KAZN: variants seen among roughly 807,000 people sequenced by gnomAD.
KAZN encodes kazrin.
In KAZN, 40 loss-of-function variants were observed where a neutral mutation model predicts 87.4. That is an observed-to-expected ratio of 0.46 (90% CI 0.36 to 0.60). The LOEUF is 0.60. KAZN is among the 20% of genes least tolerant of loss of function. The pLI is 0.00. For missense variants in KAZN, 898 were observed against 1,073.9 expected, an observed-to-expected ratio of 0.84 and a Z score of 2.29; for synonymous variants, 466 against 458.3, an observed-to-expected ratio of 1.02 and a Z score of -0.22.
Position 14,420,544 on chromosome 1 carries a change from G to A in KAZN, c.250-178439G>A, listed in dbSNP as rs969195812. Among the ~76,000 whole-genome samples, 11 of 152,308 alleles carry A rather than the reference G, an allele frequency of 7.2e-5. No individual in the cohort carries two copies. In the South Asian group the frequency reaches 8.3e-4, roughly 11 times the overall value. On this transcript the variant is annotated intron_variant, in intron 2 of 16. Coordinates refer to the KAZN transcript ENST00000636203. Reference sequence around the variant, plus strand: ...GGCAGTCAGTGGGACCAGGTGCCGCGGAGCAAGGGGTGCGCTCGTCGGGGA... The same window carrying A: ...GGCAGTCAGTGGGACCAGGTGCCGCAGAGCAAGGGGTGCGCTCGTCGGGGA...
intron 1 of KAZN, among the ~76,000 whole-genome samples, chr1:14,917,088 G>A (rs1373498198): frequency 6.6e-6 from 1 of 152,110 alleles, no homozygotes; most frequent in Non-Finnish European, 1.5e-5. Flanking sequence ...AGGAGATCAG[G>A]ATTTCTGCCA....
intron 1 of KAZN, among the ~76,000 whole-genome samples, chr1:14,785,814 C>T (rs963565805): frequency 6.6e-6 from 1 of 152,194 alleles, no homozygotes; most frequent in Non-Finnish European, 1.5e-5. Context: ...ATGTTTCTCA[C>T]TGCAGAGCTG....
At chr1:14,954,327 A>G (rs7522410) in intron 1 of KAZN, among the ~76,000 whole-genome samples, 26,148 of 152,276 alleles carry the variant, frequency 0.17, 2,494 homozygotes, top group East Asian at 0.22. Flanking sequence ...AAGGTACCCA[A>G]TCAGTCTTTG....
intron 1 of KAZN, among the ~76,000 whole-genome samples, chr1:14,807,468 T>C (rs1005305309): frequency 6.6e-6 from 1 of 152,162 alleles, no homozygotes; most frequent in African/African-American, 2.4e-5. Context: ...TATTTATTAC[T>C]GATAAAACTA....
At chr1:14,493,025 G>A (rs75351012) in intron 2 of KAZN, among the ~76,000 whole-genome samples, 1,633 of 151,650 alleles carry the variant, frequency 0.011, 65 homozygotes, top group East Asian at 0.087. Flanking sequence ...TTCCCTAGAC[G>A]TTCGCACAGC....
chr1:14,180,772 A>G (rs898628987), intron 2 of KAZN, among the ~76,000 whole-genome samples: 3 of 152,186 alleles, frequency 2.0e-5, no homozygotes, highest in African/African-American at 7.2e-5. Context: ...TTAGTATTAA[A>G]ATAGCTTTTT....
At chr1:14,483,577 C>T (rs1350009159) in intron 2 of KAZN, among the ~76,000 whole-genome samples, 1 of 152,186 alleles carries the variant, frequency 6.6e-6, no homozygotes, top group Non-Finnish European at 1.5e-5. Context: ...GCCAAGGGAA[C>T]AGAGTCTTAA....
chr1:13,966,579 G>A (rs1171524650), intron 1 of KAZN, among the ~76,000 whole-genome samples: 3 of 152,246 alleles, frequency 2.0e-5, no homozygotes, highest in East Asian at 1.9e-4. Context: ...GAGTGGTGAC[G>A]CCAGGATCTG....
At chr1:14,583,053 C>T (rs2023603) in intron 2 of KAZN, among the ~76,000 whole-genome samples, 1 of 152,222 alleles carries the variant, frequency 6.6e-6, no homozygotes, top group Admixed American at 6.5e-5. Context: ...CTTGTCAATC[C>T]TTTACCCTTA....
chr1:14,556,994 G>A (rs1477460466), intron 2 of KAZN, among the ~76,000 whole-genome samples: 1 of 152,176 alleles, frequency 6.6e-6, no homozygotes, highest in African/African-American at 2.4e-5. Flanking sequence ...AAGAGCTGTA[G>A]GTGGGTAGGG....
chr1:14,154,249 T>C (rs531027287), intron 1 of KAZN, among the ~76,000 whole-genome samples: 1 of 152,370 alleles, frequency 6.6e-6, no homozygotes, highest in South Asian at 2.1e-4. Flanking sequence ...TTTAATGTTC[T>C]TTGTTGCTAT....
intron 1 of KAZN, among the ~76,000 whole-genome samples, chr1:14,810,102 C>T (rs1213213615): frequency 6.6e-6 from 1 of 152,082 alleles, no homozygotes; most frequent in Non-Finnish European, 1.5e-5. Flanking sequence ...ATAATAATGT[C>T]CCTAGACATT....
chr1:14,599,047 A>G lies in KAZN; in HGVS notation c.50A>G (p.Gln17Arg), dbSNP rs760466787. ...GCGCTCCGCATCGATGGGGCGGTCC[A>G]GTCGGCCAGCCAGGAGGTGACCAAC... ...QLALRIDGAVQSASQEVTNLR... is the reference protein window; with the variant it reads ...QLALRIDGAVRSASQEVTNLR... The change falls in exon 1 of 15, where the codon CAG becomes CGG. Residue 17 changes from glutamine (Q) to arginine (R), a missense_variant. Physicochemically the swap from Gln to Arg is conservative, Grantham distance 43. Around this residue, in one of 3 missense-constraint regions of KAZN, gnomAD observed 250 missense variants for 263.0 expected, o/e 0.95. Transcript: ENST00000376030. This position sits in a 1 kb window ranked among gnomAD's most constrained non-coding sequence, Gnocchi z 4.4. 8.9e-6 allele frequency: 14 copies of G among 1,567,196 alleles called. No homozygotes were observed. In the African/African-American group the frequency reaches 1.4e-4, roughly 16 times the overall value.
chr1:14,144,267 A>G (rs1179742218), intron 1 of KAZN, among the ~76,000 whole-genome samples: 1 of 151,858 alleles, frequency 6.6e-6, no homozygotes, highest in East Asian at 1.9e-4. Flanking sequence ...TCTGCGTTAG[A>G]TCCCTTGTTT....
chr1:14,368,522 A>G (rs992491809), intron 2 of KAZN, among the ~76,000 whole-genome samples: 1 of 152,192 alleles, frequency 6.6e-6, no homozygotes, highest in African/African-American at 2.4e-5. Context: ...CACATAACTG[A>G]AGCCTGCTAA....
At chr1:14,023,339 A>G (rs1469223554) in intron 1 of KAZN, among the ~76,000 whole-genome samples, 18 of 152,138 alleles carry the variant, frequency 1.2e-4, no homozygotes, top group Non-Finnish European at 1.5e-5. Context: ...AAAAACAAAA[A>G]CAAAACAAGA....
intron 1 of KAZN, among the ~76,000 whole-genome samples, chr1:14,660,970 G>A (rs375620456): frequency 3.5e-4 from 53 of 152,112 alleles, no homozygotes; most frequent in Non-Finnish European, 2.1e-4. Context: ...TACTTTCACC[G>A]GAGACATCTG....
At chr1:14,770,927 G>A (rs1321641256) in intron 1 of KAZN, among the ~76,000 whole-genome samples, 5 of 152,162 alleles carry the variant, frequency 3.3e-5, no homozygotes, top group Non-Finnish European at 5.9e-5. Context: ...AGGAGGGTAA[G>A]GGGAACAGGG....
At chr1:14,044,405 A>C (rs1016511839) in intron 1 of KAZN, among the ~76,000 whole-genome samples, 3 of 152,056 alleles carry the variant, frequency 2.0e-5, no homozygotes, top group African/African-American at 7.2e-5. Flanking sequence ...CCACCAAGCC[A>C]TGTGACTTTG....
Sources: gnomAD v4.1 joint callset for allele counts (sites outside exome capture counted in the v4.1 genomes callset) on GRCh38, gnomAD v4.1.1 for gene constraint, gnomAD v4.1.1 regional missense constraint, Gnocchi (gnomAD v3.1) non-coding constraint, MANE v1.5 for transcripts, NCBI Gene and HGNC (gene_info 2026-07-23, HGNC 2026-07-21) for gene names.